Variants in VPS33B observed in about 807,000 individuals in gnomAD.
The protein encoded by VPS33B is vacuolar protein sorting-associated protein 33B.
VPS33B carries 80 observed loss-of-function variants against 95.3 expected under a neutral mutation model. The observed-to-expected ratio is 0.84, with a 90% confidence interval of 0.70 to 1.01. The LOEUF (loss-of-function observed/expected upper bound fraction) is 1.01, where lower values mean the gene tolerates loss of function less well. Ranked by LOEUF, VPS33B falls within the 50% of genes least tolerant of loss-of-function variation. The probability of loss-of-function intolerance (pLI) is 0.00; values close to 1 mark genes in which losing one functional copy is unlikely to be tolerated. For missense variants in VPS33B, 715 were observed against 773.4 expected, an observed-to-expected ratio of 0.92 and a Z score of 0.90; for synonymous variants, 280 against 280.4, an observed-to-expected ratio of 1.00 and a Z score of 0.01.
At position 91,006,755 on chromosome 15, in the gene VPS33B, A is replaced by C; in HGVS notation, c.701-26T>G. ...CTGAAACAGAGATCCCTGACCATGA[A>C]GGTTCTCCCTGACCCAGCCTTCTAC... is the stretch of plus-strand genomic sequence containing the variant. On this transcript the variant is annotated intron_variant, in intron 9 of 22. Transcript: ENST00000333371. This position sits in a 1 kb window ranked among gnomAD's most constrained non-coding sequence, Gnocchi z 5.4. 1 of 1,614,022 alleles carries C rather than the reference A, an allele frequency of 6.2e-7. No individual in the cohort carries two copies. Among genetic ancestry groups the C allele is most frequent in the Non-Finnish European group, 8.5e-7 (1 of 1,179,872 alleles).
chr15:91,011,602 A>C lies in VPS33B; in HGVS notation c.358-1756T>G, dbSNP rs979888040. Among the ~76,000 whole-genome samples the C allele has an allele frequency of 1.3e-5, 2 of 152,246 alleles. No individual in the cohort carries two copies. On this transcript the variant is annotated intron_variant, in intron 5 of 22. Transcript: ENST00000333371. The surrounding 1 kb of genome is among the most constrained non-coding windows in gnomAD (Gnocchi z 5.5). ...TTTGATTAGATAAGGTGTTAAGTGG[A>C]GAACACTCATAAAAATAACTATTTT...
intron 1 of VPS33B, among the ~76,000 whole-genome samples, chr15:91,019,326 C>T (rs2041038730): frequency 6.6e-6 from 1 of 151,490 alleles, no homozygotes; most frequent in Admixed American, 6.6e-5. Flanking sequence ...CCATGTTGGC[C>T]AGGGTGTTCT....
In VPS33B at chr15:91,018,729, C is replaced by T. The variant is rs183138472; in HGVS notation, c.97-844G>A. Among the ~76,000 whole-genome samples, 26 of 152,276 alleles carry T rather than the reference C, an allele frequency of 1.7e-4. No individual in the cohort carries two copies. The East Asian group carries it at 4.0e-3, about 24-fold the overall frequency. ...GACATCCAACAATGCACAGGCCAGCCCCCACCACAAAGAATGATCCAGCCC... is the reference window on the plus strand; with the variant it reads ...GACATCCAACAATGCACAGGCCAGCTCCCACCACAAAGAATGATCCAGCCC... On this transcript the variant is annotated intron_variant, in intron 1 of 22. Transcript: ENST00000333371. The surrounding 1 kb of genome is among the most constrained non-coding windows in gnomAD (Gnocchi z 4.7).
At chr15:91,008,083 C>T in intron 6 of VPS33B, 119 bp from the exon 7 acceptor site, 1 of 879,704 alleles carries the variant, frequency 1.1e-6, no homozygotes, top group Non-Finnish European at 1.9e-6. Context: ...TGCCACATGC[C>T]AGTACTGCAT....
chr15:91,018,020 T>C lies in VPS33B; in HGVS notation c.97-135A>G, dbSNP rs758355776. 9.0e-6 allele frequency: 7 copies of C among 776,980 alleles called. No homozygotes were observed. The highest frequency in any genetic ancestry group is 1.1e-5 in the Non-Finnish European group (5 of 445,480). The allele number at this position is 776,980 out of a possible 1,614,324, so 48.1% of individuals were successfully genotyped here. A position where few individuals can be genotyped will look rare whatever the true frequency, so the allele number is the denominator to read the frequency against. On this transcript the variant is annotated intron_variant, in intron 1 of 22. Transcript: ENST00000333371. The surrounding 1 kb of genome is among the most constrained non-coding windows in gnomAD (Gnocchi z 4.7). ...CTAAGTATCGTCTAGCCCGTCACCT[T>C]ATTTATTATCTGTATCCACAGTTGA...
chr15:91,012,735 A>C (rs1441325366), intron 5 of VPS33B, among the ~76,000 whole-genome samples: 2 of 152,208 alleles, frequency 1.3e-5, no homozygotes, highest in African/African-American at 4.8e-5. Context: ...TTGAGGATGC[A>C]CGTAGCTGAT....
rs143194822 is a variant in VPS33B, at chr15:91,005,408, A to G, written c.1077T>C (p.Asp359=). Residue 359 remains aspartate (D), a synonymous_variant, in exon 14 of 23, where the codon GAT becomes GAC. Transcript: ENST00000333371. This position sits in a 1 kb window ranked among gnomAD's most constrained non-coding sequence, Gnocchi z 6.4. ...GCTCAGTCTTGATTAGCTCCTGGAAATCCTGCTTGGTTTTCTTCTTCATGA... is the reference window on the plus strand; with the variant it reads ...GCTCAGTCTTGATTAGCTCCTGGAAGTCCTGCTTGGTTTTCTTCTTCATGA... The part of the protein sequence containing the change: ...ESIMKKKTKQ[D]FQELIKTEHA... The G allele has an allele frequency of 1.2e-6, 2 of 1,614,104 alleles. No homozygotes were observed. The highest frequency in any genetic ancestry group is 1.7e-6 in the Non-Finnish European group (2 of 1,180,014).
In VPS33B at chr15:91,015,770, C is replaced by T. The variant is rs1344961058; in HGVS notation, c.239+1193G>A. 6.6e-6 allele frequency among the ~76,000 whole-genome samples: 1 copy of T among 152,098 alleles called. No individual in the cohort carries two copies. Among genetic ancestry groups the T allele is most frequent in the African/African-American group, 2.4e-5 (1 of 41,430 alleles). On this transcript the variant is annotated intron_variant, in intron 3 of 22. Transcript: ENST00000333371. This position sits in a 1 kb window ranked among gnomAD's most constrained non-coding sequence, Gnocchi z 4.7. ...CCCTTGAGCCAGGAGCTCAAGGCTGCAGTGAGCTATGATTGCACCACTGCA... is the reference window on the plus strand; with the variant it reads ...CCCTTGAGCCAGGAGCTCAAGGCTGTAGTGAGCTATGATTGCACCACTGCA...
chr15:91,005,065 A>T lies in VPS33B; in HGVS notation c.1160T>A (p.Ile387Lys), dbSNP rs746479863. ...CCTCCACCTGCGCACCTGCCGGTCT[A>T]TGTGTTCCTCAATGTAGCTGGTGCT... Reference protein sequence around the residue: ...RESTSYIEEHIDRQVSPIESL... With the variant: ...RESTSYIEEHKDRQVSPIESL... Residue 387 changes from isoleucine (I) to lysine (K), a missense_variant, in exon 15 of 23, where the codon ATA becomes AAA. Physicochemically the swap from Ile to Lys is moderately radical, Grantham distance 102 (BLOSUM62 -3). Coordinates refer to ENST00000333371, the MANE Select transcript of VPS33B (RefSeq NM_018668.5). This position sits in a 1 kb window ranked among gnomAD's most constrained non-coding sequence, Gnocchi z 6.4. 1 of 1,614,178 alleles carries T rather than the reference A, an allele frequency of 6.2e-7. No individual in the cohort carries two copies.
In VPS33B at chr15:90,999,445, A is replaced by G. The variant is rs2040369098; in HGVS notation, c.1774+232T>C. On this transcript the variant is annotated intron_variant, in intron 22 of 22. Coordinates refer to ENST00000333371, the MANE Select transcript of VPS33B (RefSeq NM_018668.5). This position sits in a 1 kb window ranked among gnomAD's most constrained non-coding sequence, Gnocchi z 5.1. ...GCAATTCTCCTGCCTCAGCCTCCCGAGTAGTTAGCATTACAGGCACCGGCC... is the reference window on the plus strand; with the variant it reads ...GCAATTCTCCTGCCTCAGCCTCCCGGGTAGTTAGCATTACAGGCACCGGCC... 1 of 564,178 alleles carries G rather than the reference A, an allele frequency of 1.8e-6. No individual in the cohort carries two copies. Among genetic ancestry groups the G allele is most frequent in the Non-Finnish European group, 3.2e-6 (1 of 309,714 alleles). The allele number at this position is 564,178 out of a possible 1,614,324, so 34.9% of individuals were successfully genotyped here.
chr15:91,020,098 C>G (rs2041060908), intron 1 of VPS33B, among the ~76,000 whole-genome samples: 3 of 152,056 alleles, frequency 2.0e-5, no homozygotes, highest in Admixed American at 1.3e-4. Flanking sequence ...AGCCACCGCA[C>G]CCAGCCTAAT....
intron 3 of VPS33B, among the ~76,000 whole-genome samples, chr15:91,014,697 T>C (rs796798835): frequency 9.2e-5 from 14 of 152,150 alleles, no homozygotes; most frequent in African/African-American, 3.4e-4. Flanking sequence ...TACAATCCAG[T>C]GGGCAAAAAA....
intron 5 of VPS33B, among the ~76,000 whole-genome samples, chr15:91,012,296 C>G (rs1458813442): frequency 6.6e-6 from 1 of 152,210 alleles, no homozygotes; most frequent in East Asian, 1.9e-4. Flanking sequence ...AGGTCACTGG[C>G]TCTTTCCTCT....
At position 91,014,508 on chromosome 15, in the gene VPS33B, A is replaced by C. The variant is rs115797498; in HGVS notation, c.240-75T>G. ...ATAGCAACTTAGAAGAAACTGAAAC[A>C]ATACCAACTCTTTTGCCATTTGCCC... On this transcript the variant is annotated intron_variant, in intron 3 of 22. Coordinates refer to ENST00000333371, the MANE Select transcript of VPS33B (RefSeq NM_018668.5). 1,186 of 1,534,310 alleles carry C rather than the reference A, an allele frequency of 7.7e-4. 7 individuals carry two copies. The African/African-American group carries it at 0.014, about 18-fold the overall frequency.
At position 91,018,736 on chromosome 15, in the gene VPS33B, A is replaced by G. The variant is rs1403228462; in HGVS notation, c.97-851T>C. On this transcript the variant is annotated intron_variant, in intron 1 of 22. Transcript: ENST00000333371. This position sits in a 1 kb window ranked among gnomAD's most constrained non-coding sequence, Gnocchi z 4.7. ...AACAATGCACAGGCCAGCCCCCACC[A>G]CAAAGAATGATCCAGCCCAAAAAGT... Among the ~76,000 whole-genome samples, 4 of 152,224 alleles carry G rather than the reference A, an allele frequency of 2.6e-5. No individual in the cohort carries two copies. Among genetic ancestry groups the G allele is most frequent in the African/African-American group, 9.6e-5 (4 of 41,458 alleles).
At position 91,005,354 on chromosome 15, in the gene VPS33B, T is replaced by C. The variant is rs2040569877; in HGVS notation, c.1105+26A>G. The C allele has an allele frequency of 1.2e-6, 2 of 1,614,020 alleles. No homozygotes were observed. Among genetic ancestry groups the C allele is most frequent in the African/African-American group, 2.7e-5 (2 of 74,912 alleles). On this transcript the variant is annotated intron_variant, in intron 14 of 22. Transcript: ENST00000333371. The surrounding 1 kb of genome is among the most constrained non-coding windows in gnomAD (Gnocchi z 6.4). ...GCTGGGGAAGTAGAAGCGTGGGCAG[T>C]AGCACAGCAAGGCTGCGGCAGTTAC...
chr15:91,019,252 G>A (rs1454605219), intron 1 of VPS33B, among the ~76,000 whole-genome samples: 6 of 145,906 alleles, frequency 4.1e-5, no homozygotes, highest in East Asian at 4.2e-4. Flanking sequence ...CGAGTAGCTG[G>A]GATTATAGGC....
At position 91,022,334 on chromosome 15, in the gene VPS33B, C is replaced by T. The variant is rs2041129809; in HGVS notation, c.-85G>A. The T allele has an allele frequency of 7.1e-7, 1 of 1,400,788 alleles. No individual in the cohort carries two copies. Among genetic ancestry groups the T allele is most frequent in the Non-Finnish European group, 9.6e-7 (1 of 1,039,662 alleles). 86.8% of individuals were successfully genotyped at this position (1,400,788 alleles called of 1,614,324 possible). A position where few individuals can be genotyped will look rare whatever the true frequency, so the allele number is the denominator to read the frequency against. On this transcript the variant is annotated 5_prime_UTR_variant, in exon 1 of 23. Coordinates refer to ENST00000333371, the MANE Select transcript of VPS33B (RefSeq NM_018668.5). The stretch of plus-strand genomic sequence containing the variant: ...GCAGCCCAGGGAAGCGCAAGGGGGG[C>T]TATCCTTCAGGCCTGGGCACCGACT...
chr15:91,005,778 T>C lies in VPS33B; in HGVS notation c.946A>G (p.Arg316Gly). 6.2e-7 allele frequency: 1 copy of C among 1,614,168 alleles called. No individual in the cohort carries two copies. Among genetic ancestry groups the C allele is most frequent in the South Asian group, 1.1e-5 (1 of 91,090 alleles). Residue 316 changes from arginine (R) to glycine (G), a missense_variant, in exon 13 of 23, where the codon AGA becomes GGA. Physicochemically the swap from Arg to Gly is moderately radical, Grantham distance 125. Transcript: ENST00000333371. This position sits in a 1 kb window ranked among gnomAD's most constrained non-coding sequence, Gnocchi z 6.4. Reference sequence around the variant, plus strand: ...TTCATCTGCTTAATGTCCATGCCTCTCCGGCGCTGTGGGAAAATTCCCAAA... The same window carrying C: ...TTCATCTGCTTAATGTCCATGCCTCCCCGGCGCTGTGGGAAAATTCCCAAA... ...RNLQAQYDRR[R>G]GMDIKQMKNF...
Sources: allele counts gnomAD v4.1 joint callset (sites outside exome capture counted in the v4.1 genomes callset), GRCh38; gene constraint gnomAD v4.1.1; non-coding constraint Gnocchi (gnomAD v3.1); transcripts MANE v1.5; gene names NCBI Gene and HGNC (gene_info 2026-07-23, HGNC 2026-07-21).